TP53BP1: variants seen among roughly 807,000 people sequenced by gnomAD.
TP53BP1 encodes TP53-binding protein 1.
A neutral mutation model predicts 200.8 loss-of-function variants in TP53BP1; 61 were observed. That is an observed-to-expected ratio of 0.30 (90% CI 0.25 to 0.38). TP53BP1 has a LOEUF of 0.38. Among genes scored for constraint, TP53BP1 ranks in the 10% least tolerant of loss-of-function variants. The pLI is 1.00. For missense variants in TP53BP1, 2,144 were observed against 2,371.9 expected, an observed-to-expected ratio of 0.90 and a Z score of 2.00; for synonymous variants, 822 against 844.3, an observed-to-expected ratio of 0.97 and a Z score of 0.46.
intron 26 of TP53BP1, chr15:43,408,672 T>C (rs1238020157): frequency 1.1e-5 from 6 of 538,986 alleles, no homozygotes; most frequent in Admixed American, 3.1e-5. Context: ...AGGTTGAGAA[T>C]ATTGAACCTA....
intron 9 of TP53BP1, among the ~76,000 whole-genome samples, chr15:43,475,364 T>C (rs553611288): frequency 1.3e-5 from 2 of 152,236 alleles, no homozygotes; most frequent in South Asian, 4.1e-4. Context: ...ACGTTTGGGC[T>C]ACTATTATAA....
At chr15:43,428,656 G>C (rs2045604598) in intron 17 of TP53BP1, among the ~76,000 whole-genome samples, 1 of 152,072 alleles carries the variant, frequency 6.6e-6, no homozygotes, top group East Asian at 1.9e-4. Flanking sequence ...GAAAACCACA[G>C]TTTATTACCT....
Position 43,432,203 on chromosome 15 carries a change from G to C in TP53BP1, c.3666C>G (p.Leu1222=). 1 of 1,613,770 alleles carries C rather than the reference G, an allele frequency of 6.2e-7. No individual in the cohort carries two copies. The highest frequency in any genetic ancestry group is 1.1e-5 in the South Asian group (1 of 91,040). ...TAGTATGTTCTCTCACCTGGCTATG[G>C]AGCGACTCTGTATCATCCCCAGGAG... The part of the protein sequence containing the change: ...VSAPGDDTES[L]HSQGEEEFDM... The change falls in exon 17 of 28, where the codon CTC becomes CTG. Residue 1222 remains leucine, a synonymous_variant. Coordinates refer to ENST00000382044, the MANE Select transcript of TP53BP1 (RefSeq NM_001141980.3).
chr15:43,462,192 C>T (rs921895553), intron 11 of TP53BP1, among the ~76,000 whole-genome samples: 2 of 94,216 alleles, frequency 2.1e-5, no homozygotes, highest in Admixed American at 1.6e-4. Flanking sequence ...ATTTGCCAGA[C>T]ACGTGGAGAG....
At chr15:43,441,028 C>T (rs759622425) in intron 15 of TP53BP1, among the ~76,000 whole-genome samples, 1 of 152,310 alleles carries the variant, frequency 6.6e-6, no homozygotes, top group Non-Finnish European at 1.5e-5. Flanking sequence ...CAACCAAAAC[C>T]TCAGTATGGG....
chr15:43,413,799 A>C (rs1483701370), intron 23 of TP53BP1, among the ~76,000 whole-genome samples: 3 of 151,808 alleles, frequency 2.0e-5, no homozygotes, highest in Non-Finnish European at 4.4e-5. Flanking sequence ...AAAAAAAAAA[A>C]CCCAACACTT....
At position 43,507,207 on chromosome 15, in the gene TP53BP1, T is replaced by A. The variant is rs568927066; in HGVS notation, c.-9+3163A>T. On this transcript the variant is annotated intron_variant, in intron 1 of 27. Transcript: ENST00000263801. ...TGGAGTACAGTGGCACAATCTCCAC[T>A]CACTGCAACCTCCACTTCCTGGGTT... 2.0e-5 allele frequency among the ~76,000 whole-genome samples: 3 copies of A among 152,146 alleles called. No homozygotes were observed. In the South Asian group the frequency reaches 6.2e-4, roughly 32 times the overall value.
rs137879443 is a variant in TP53BP1, at chr15:43,407,537, G to A, written c.5780C>T (p.Thr1927Met). 3 of 1,613,900 alleles carry A rather than the reference G, an allele frequency of 1.9e-6. No individual in the cohort carries two copies. Among genetic ancestry groups the A allele is most frequent in the Non-Finnish European group, 1.7e-6 (2 of 1,179,964 alleles). ...IALGVFDVVV[T>M]DPSCPASVLK... ...CACCGAGGCTGGGCATGAGGGGTCC[G>A]TCACCACCACATCAAATACCCCTAA... is the stretch of plus-strand genomic sequence containing the variant. Residue 1927 changes from threonine to methionine, a missense_variant, in exon 28 of 28, where the codon ACG (threonine) becomes ATG (methionine). Thr to Met is a moderately conservative substitution (Grantham distance 81). Transcript: ENST00000382044.
At chr15:43,474,185 C>T (rs1230452543) in intron 10 of TP53BP1, among the ~76,000 whole-genome samples, 7 of 152,210 alleles carry the variant, frequency 4.6e-5, no homozygotes, top group Non-Finnish European at 7.4e-5. Flanking sequence ...GCAGGACCCG[C>T]CAAGCCCACA....
chr15:43,447,487 TGA>T lies in TP53BP1; in HGVS notation c.2717-4_2717-3del. 1 of 1,293,912 alleles carries T rather than the reference TGA, an allele frequency of 7.7e-7. No homozygotes were observed. The highest frequency in any genetic ancestry group is 9.9e-7 in the Non-Finnish European group (1 of 1,006,872). The allele number at this position is 1,293,912 out of a possible 1,614,324, so 80.2% of individuals were successfully genotyped here. ...GCAAAGTGAAATGAAATGGGGTTTCTGAAAAAAAAAAAAAAAAGAAAAAAGAA... is the reference window on the plus strand; with the variant it reads ...GCAAAGTGAAATGAAATGGGGTTTCTAAAAAAAAAAAAAAAGAAAAAAGAA... On this transcript the variant is annotated splice_region_variant and splice_polypyrimidine_tract_variant and intron_variant, in intron 12 of 27. Coordinates refer to ENST00000382044, the MANE Select transcript of TP53BP1 (RefSeq NM_001141980.3).
Position 43,421,918 on chromosome 15 carries a change from G to T in TP53BP1, c.4037C>A (p.Thr1346Asn). 1 of 1,614,196 alleles carries T rather than the reference G, an allele frequency of 6.2e-7. No individual in the cohort carries two copies. Among genetic ancestry groups the T allele is most frequent in the East Asian group, 2.2e-5 (1 of 44,886 alleles). Reference sequence around the variant, plus strand: ...AAAATCTGCGGGTTCTGTCCCGCTGGTTTTCCCTCTGAGTGGTCCGGCTCC... The same window carrying T: ...AAAATCTGCGGGTTCTGTCCCGCTGTTTTTCCCTCTGAGTGGTCCGGCTCC... Reference protein sequence around the residue: ...GKGAGPLRGKTSGTEPADFAL... With the variant: ...GKGAGPLRGKNSGTEPADFAL... Residue 1346 changes from threonine (T) to asparagine (N), a missense_variant, in exon 19 of 28, where the codon ACC becomes AAC. Coordinates refer to ENST00000382044, the MANE Select transcript of TP53BP1 (RefSeq NM_001141980.3).
intron 4 of TP53BP1, among the ~76,000 whole-genome samples, chr15:43,490,309 A>T (rs2140152097): frequency 6.6e-6 from 1 of 152,014 alleles, no homozygotes; most frequent in South Asian, 2.1e-4. Context: ...ACTGGTATCA[A>T]ACTCCTGACC....
In TP53BP1 at chr15:43,420,286, ACT is replaced by A. The variant is rs751157869; in HGVS notation, c.4681+17_4681+18del. 7 of 1,605,898 alleles carry A rather than the reference ACT, an allele frequency of 4.4e-6. No individual in the cohort carries two copies. In the South Asian group the frequency reaches 5.5e-5, roughly 13 times the overall value. On this transcript the variant is annotated intron_variant, in intron 21 of 27. Transcript: ENST00000382044. ...CCAAGGCACAAAAAAATCTCTACAA[ACT>A]CTGCTTCTTTCATTACCTGCACTGA...
intron 1 of TP53BP1, among the ~76,000 whole-genome samples, chr15:43,498,451 C>T (rs1018306508): frequency 6.6e-6 from 1 of 152,108 alleles, no homozygotes; most frequent in African/African-American, 2.4e-5. Flanking sequence ...AAATCTATAA[C>T]CTGAATCTGA....
At chr15:43,409,767 A>G (rs553235434) in intron 24 of TP53BP1, 26 bp from the exon 25 acceptor site, 14 of 1,203,874 alleles carry the variant, frequency 1.2e-5, no homozygotes, top group East Asian at 1.0e-4. Context: ...AAACCAAGAT[A>G]ATAATTACTG....
chr15:43,445,896 A>G (rs988432231), intron 14 of TP53BP1, among the ~76,000 whole-genome samples: 4 of 152,170 alleles, frequency 2.6e-5, no homozygotes, highest in African/African-American at 9.6e-5. Flanking sequence ...GTTTTGAAAG[A>G]CTCAGCTGAT....
Position 43,404,593 on chromosome 15 carries a change from T to A in TP53BP1, c.*2790A>T, listed in dbSNP as rs779063465. On this transcript the variant is annotated 3_prime_UTR_variant, in exon 28 of 28. Coordinates refer to ENST00000382044, the MANE Select transcript of TP53BP1 (RefSeq NM_001141980.3). ...GGGTAACTCAGTAGACTTTTTAAGG[T>A]GGCTTTTTAATGAGTTGTAGAATTC... 4 of 1,603,666 alleles carry A rather than the reference T, an allele frequency of 2.5e-6. No individual in the cohort carries two copies. In the South Asian group the frequency reaches 4.4e-5, roughly 18 times the overall value.
At chr15:43,445,651 G>A (rs2046024758) in intron 14 of TP53BP1, among the ~76,000 whole-genome samples, 1 of 152,086 alleles carries the variant, frequency 6.6e-6, no homozygotes, top group Admixed American at 6.6e-5. Flanking sequence ...TACTATTATG[G>A]AAATGAGATC....
Position 43,465,909 on chromosome 15 carries a change from C to A in TP53BP1, c.1389+3949G>T, listed in dbSNP as rs562415781. On this transcript the variant is annotated intron_variant, in intron 11 of 27. Coordinates refer to ENST00000382044, the MANE Select transcript of TP53BP1 (RefSeq NM_001141980.3). ...GCTTCAAGTGATCCTCCCACCTTAG[C>A]CTCCCAAAGTGCTAAGATTACAGGC... Among the ~76,000 whole-genome samples, 45 of 152,304 alleles carry A rather than the reference C, an allele frequency of 3.0e-4. 1 individual carries two copies. In the South Asian group the frequency reaches 8.5e-3, roughly 29 times the overall value.
Sources: gnomAD v4.1 joint callset for allele counts (sites outside exome capture counted in the v4.1 genomes callset) on GRCh38, gnomAD v4.1.1 for gene constraint, MANE v1.5 for transcripts, NCBI Gene and HGNC (gene_info 2026-07-23, HGNC 2026-07-21) for gene names.